The following EVI5 variants were observed in gnomAD, a reference collection of about 807,000 sequenced individuals.
EVI5 encodes ecotropic viral integration site 5 protein homolog.
A neutral mutation model predicts 112.0 loss-of-function variants in EVI5; 73 were observed. That is an observed-to-expected ratio of 0.65 (90% CI 0.54 to 0.79). The LOEUF is 0.79. EVI5 is among the 30% of genes least tolerant of loss of function. The probability of loss-of-function intolerance (pLI) is 0.00; values close to 1 mark genes in which losing one functional copy is unlikely to be tolerated. For missense variants in EVI5, 900 were observed against 968.8 expected (o/e 0.93, Z 0.94); for synonymous variants, 305 against 319.9 (o/e 0.95, Z 0.50).
At chr1:92,766,670 T>G (rs1370527171) in intron 1 of EVI5, among the ~76,000 whole-genome samples, 2 of 152,220 alleles carry the variant, frequency 1.3e-5, no homozygotes, top group Non-Finnish European at 2.9e-5. Context: ...TTTTAGTTAC[T>G]TTAACTACAC....
chr1:92,788,814 A>C (rs12098062), upstream of EVI5, among the ~76,000 whole-genome samples: 8,286 of 152,116 alleles, frequency 0.054, 740 homozygotes, highest in African/African-American at 0.18. Flanking sequence ...ACAACAACAA[A>C]AAAAACCCCA....
chr1:92,760,732 CAAAA>C (rs77787837), intron 1 of EVI5, among the ~76,000 whole-genome samples: 1 of 50,744 alleles, frequency 2.0e-5, no homozygotes, highest in African/African-American at 7.2e-5. Context: ...GACTCTGTCT[CAAAA>C]AAAAAAAAAA....
At chr1:92,597,067 A>T (rs1211406102) in intron 18 of EVI5, among the ~76,000 whole-genome samples, 1 of 152,200 alleles carries the variant, frequency 6.6e-6, no homozygotes, top group Non-Finnish European at 1.5e-5. Context: ...CAAATACATT[A>T]AAAAACTTGT....
chr1:92,563,434 C>T (rs1313105282), intron 19 of EVI5, among the ~76,000 whole-genome samples: 2 of 152,044 alleles, frequency 1.3e-5, no homozygotes, highest in South Asian at 2.1e-4. Flanking sequence ...CTAGGTCATG[C>T]TAATGAGGTT....
intron 13 of EVI5, among the ~76,000 whole-genome samples, chr1:92,658,524 G>A (rs1327282393): frequency 6.6e-6 from 1 of 152,126 alleles, no homozygotes; most frequent in Non-Finnish European, 1.5e-5. Flanking sequence ...TGTTAACCAA[G>A]GAGGTGGAAG....
At chr1:92,554,989 G>A (rs1168606525) in intron 19 of EVI5, among the ~76,000 whole-genome samples, 2 of 152,018 alleles carry the variant, frequency 1.3e-5, no homozygotes, top group Non-Finnish European at 2.9e-5. Context: ...CCAGAAAAAA[G>A]AAAGAAAGAA....
At chr1:92,552,706 A>C (rs1417233801) in intron 19 of EVI5, among the ~76,000 whole-genome samples, 2 of 152,100 alleles carry the variant, frequency 1.3e-5, no homozygotes, top group African/African-American at 4.8e-5. Context: ...TGCGCACTCG[A>C]ATTTTTTCCT....
intron 18 of EVI5, among the ~76,000 whole-genome samples, chr1:92,571,916 C>T (rs921456333): frequency 6.6e-6 from 1 of 152,092 alleles, no homozygotes; most frequent in Non-Finnish European, 1.5e-5. Flanking sequence ...AAGAAAAAGA[C>T]GCCCAACATA....
At chr1:92,749,066 C>CAAAAAAAAAAAAA (rs60282362) in intron 1 of EVI5, 1 of 104,034 alleles carries the variant, frequency 9.6e-6, no homozygotes, top group Non-Finnish European at 1.9e-5. Context: ...AACTCTGTCT[C>CAAAAAAAAAAAAA]AAAAAAAAAA....
At chr1:92,707,501 C>G (rs753193382) in intron 2 of EVI5, among the ~76,000 whole-genome samples, 1 of 151,886 alleles carries the variant, frequency 6.6e-6, no homozygotes, top group Admixed American at 6.6e-5. Context: ...GAGTAAGAGA[C>G]GTAAACTGAT....
At chr1:92,683,671 G>A (rs1169143630) in intron 9 of EVI5, among the ~76,000 whole-genome samples, 3 of 152,202 alleles carry the variant, frequency 2.0e-5, no homozygotes, top group Non-Finnish European at 4.4e-5. Context: ...AAAAAGGTTA[G>A]ATGATTGGCT....
intron 2 of EVI5, among the ~76,000 whole-genome samples, chr1:92,716,821 G>C (rs377014783): frequency 5.6e-5 from 8 of 143,040 alleles, no homozygotes; most frequent in Admixed American, 3.6e-4. Flanking sequence ...ACTACATGAC[G>C]CATGCACAAG....
intron 1 of EVI5, among the ~76,000 whole-genome samples, chr1:92,783,201 G>A (rs569808388): frequency 7.2e-5 from 11 of 152,048 alleles, no homozygotes; most frequent in African/African-American, 2.4e-4. Context: ...CAAAGTTCTC[G>A]GAAATCGTAG....
intron 16 of EVI5, 48 bp from the exon 17 acceptor site, chr1:92,607,775 A>C (rs199538368): frequency 1.7e-4 from 210 of 1,248,272 alleles, no homozygotes; most frequent in Admixed American, 4.6e-4. Flanking sequence ...CAAGACCTAA[A>C]AATTAAAAAA....
intron 16 of EVI5, 116 bp downstream of exon 16, chr1:92,624,060 T>C: frequency 1.1e-6 from 1 of 881,718 alleles, no homozygotes; most frequent in South Asian, 1.8e-5. Context: ...AAAACTGCGG[T>C]CTATACAGCT....
intron 9 of EVI5, among the ~76,000 whole-genome samples, chr1:92,677,917 T>C (rs1349260160): frequency 1.3e-5 from 2 of 152,114 alleles, no homozygotes; most frequent in African/African-American, 4.8e-5. Context: ...TGCACCCCTG[T>C]TAAGATGTAC....
chr1:92,606,924 C>CCA (rs1650546488), intron 17 of EVI5, among the ~76,000 whole-genome samples: 1 of 91,402 alleles, frequency 1.1e-5, no homozygotes, highest in African/African-American at 3.6e-5. Flanking sequence ...ACACACACAC[C>CCA]CCCCCAAACC....
At chr1:92,527,833 G>C (rs1258107590) in intron 19 of EVI5, among the ~76,000 whole-genome samples, 1 of 152,164 alleles carries the variant, frequency 6.6e-6, no homozygotes, top group East Asian at 1.9e-4. Flanking sequence ...GTGTGGCATA[G>C]TATTGCATTT....
chr1:92,778,717 T>C (rs1307428630), intron 1 of EVI5, among the ~76,000 whole-genome samples: 1 of 152,186 alleles, frequency 6.6e-6, no homozygotes, highest in Non-Finnish European at 1.5e-5. Context: ...CTTTAAAAAA[T>C]ACTGGTGCTA....
Sources: gnomAD v4.1 joint callset for allele counts (sites outside exome capture counted in the v4.1 genomes callset) on GRCh38, gnomAD v4.1.1 for gene constraint, MANE v1.5 for transcripts, NCBI Gene and HGNC (gene_info 2026-07-23, HGNC 2026-07-21) for gene names.